Variants in DNER observed in about 807,000 individuals in gnomAD.
The protein encoded by DNER is delta/notch like EGF repeat containing, also known as delta and Notch-like epidermal growth factor-related receptor.
In DNER, 33 loss-of-function variants were observed where a neutral mutation model predicts 78.2. The observed-to-expected ratio is 0.42, with a 90% CI of 0.32 to 0.56. The LOEUF is 0.56. Ranked by LOEUF, DNER falls within the 20% of genes least tolerant of loss-of-function variation. The probability of loss-of-function intolerance (pLI) is 0.11; values close to 1 mark genes in which losing one functional copy is unlikely to be tolerated. For missense variants in DNER, 918 were observed against 975.3 expected, an observed-to-expected ratio of 0.94 and a Z score of 0.78; for synonymous variants, 417 against 384.8, an observed-to-expected ratio of 1.08 and a Z score of -0.98.
At chr2:229,460,419 G>A (rs1198069454) in intron 7 of DNER, among the ~76,000 whole-genome samples, 2 of 151,594 alleles carry the variant, frequency 1.3e-5, no homozygotes, top group African/African-American at 4.8e-5. Context: ...AGCATACAAA[G>A]TCAATATACA....
intron 9 of DNER, among the ~76,000 whole-genome samples, chr2:229,411,515 C>T (rs1163528565): frequency 6.6e-6 from 1 of 151,972 alleles, no homozygotes; most frequent in East Asian, 1.9e-4. Context: ...CAAGATAGCG[C>T]CATTGCACTC....
rs1338365059 is a variant in DNER, at chr2:229,383,924, C to CT, written c.1855+4340_1855+4341insA. On this transcript the variant is annotated intron_variant, in intron 11 of 12. Transcript: ENST00000341772. Reference sequence around the variant, plus strand: ...ACCAAGCAGACCTAATAGACATCTACAGAACTCTCCACTCCAAATCAGCAG... The same window carrying CT: ...ACCAAGCAGACCTAATAGACATCTACTAGAACTCTCCACTCCAAATCAGCAG... Among the ~76,000 whole-genome samples, 10 of 152,284 alleles carry CT rather than the reference C, an allele frequency of 6.6e-5. No homozygotes were observed. In the East Asian group the frequency reaches 1.9e-3, roughly 29 times the overall value.
chr2:229,638,450 A>C (rs886198176), intron 1 of DNER, among the ~76,000 whole-genome samples: 4 of 152,234 alleles, frequency 2.6e-5, no homozygotes, highest in Non-Finnish European at 4.4e-5. Context: ...AAAGCAATTT[A>C]TGGGGAAAGA....
At chr2:229,442,009 A>AC (rs1290997826) in intron 8 of DNER, among the ~76,000 whole-genome samples, 1 of 152,026 alleles carries the variant, frequency 6.6e-6, no homozygotes, top group Non-Finnish European at 1.5e-5. Context: ...AGTAAAGCAA[A>AC]CTCTCCCTTG....
chr2:229,493,606 T>C (rs983320568), intron 6 of DNER, among the ~76,000 whole-genome samples: 7 of 152,148 alleles, frequency 4.6e-5, no homozygotes, highest in African/African-American at 1.7e-4. Context: ...ATAAGAGAAC[T>C]GAGCCCCTAC....
chr2:229,564,174 A>C (rs1250050862), intron 4 of DNER, among the ~76,000 whole-genome samples: 14 of 107,164 alleles, frequency 1.3e-4, no homozygotes, highest in African/African-American at 2.6e-4. Flanking sequence ...CACCCCATCA[A>C]CATCATCATC....
chr2:229,679,936 A>G (rs949921230), intron 1 of DNER, among the ~76,000 whole-genome samples: 1 of 152,192 alleles, frequency 6.6e-6, no homozygotes, highest in Non-Finnish European at 1.5e-5. Flanking sequence ...CAAGAGGGAC[A>G]TGGTGTGTAA....
intron 1 of DNER, among the ~76,000 whole-genome samples, chr2:229,663,153 T>C (rs943802386): frequency 1.8e-4 from 28 of 152,136 alleles, no homozygotes; most frequent in African/African-American, 6.5e-4. Context: ...CTAGGAAAAA[T>C]GCAAAAAGAA....
chr2:229,418,374 G>T, intron 8 of DNER, 144 bp from the exon 9 acceptor site: 2 of 1,182,428 alleles, frequency 1.7e-6, no homozygotes, highest in Non-Finnish European at 2.3e-6. Context: ...ATCTCTTGGG[G>T]TAAAGTTGAA....
chr2:229,381,067 G>C (rs1692724519), intron 11 of DNER, among the ~76,000 whole-genome samples: 1 of 152,196 alleles, frequency 6.6e-6, no homozygotes, highest in Admixed American at 6.5e-5. Context: ...TTCCAACTGA[G>C]GTAGCTGGCT....
chr2:229,498,732 A>G (rs797006701), intron 6 of DNER, among the ~76,000 whole-genome samples: 7 of 152,316 alleles, frequency 4.6e-5, no homozygotes, highest in South Asian at 4.1e-4. Context: ...TAAATTTAAA[A>G]CTATAAAATT....
chr2:229,549,860 A>G (rs1019928467), intron 4 of DNER, among the ~76,000 whole-genome samples: 2 of 149,652 alleles, frequency 1.3e-5, no homozygotes, highest in African/African-American at 2.4e-5. Context: ...GCAGTGAGCC[A>G]AGATCGTGCC....
chr2:229,680,489 G>A (rs1027858773), intron 1 of DNER, among the ~76,000 whole-genome samples: 2 of 152,194 alleles, frequency 1.3e-5, no homozygotes, highest in African/African-American at 4.8e-5. Flanking sequence ...TGCCTGTGGA[G>A]TCACTAATTT....
intron 1 of DNER, among the ~76,000 whole-genome samples, chr2:229,650,593 C>T (rs1698798681): frequency 6.6e-6 from 1 of 152,168 alleles, no homozygotes; most frequent in Non-Finnish European, 1.5e-5. Flanking sequence ...CAGCCCCTCA[C>T]ACCTGCTGCC....
At chr2:229,601,170 T>C (rs1375032221) in intron 1 of DNER, among the ~76,000 whole-genome samples, 1 of 152,208 alleles carries the variant, frequency 6.6e-6, no homozygotes, top group Admixed American at 6.5e-5. Flanking sequence ...AAACAGGAAT[T>C]GCAGTGGTTG....
At chr2:229,596,118 G>A (rs1697710043) in intron 1 of DNER, among the ~76,000 whole-genome samples, 1 of 151,850 alleles carries the variant, frequency 6.6e-6, no homozygotes, top group African/African-American at 2.4e-5. Flanking sequence ...ATTTACTTGT[G>A]TATCCACAGC....
At chr2:229,632,034 C>A (rs552253926) in intron 1 of DNER, among the ~76,000 whole-genome samples, 2 of 152,174 alleles carry the variant, frequency 1.3e-5, no homozygotes, top group Non-Finnish European at 2.9e-5. Flanking sequence ...CACTACAGAA[C>A]TTTTAGAGCT....
intron 1 of DNER, among the ~76,000 whole-genome samples, chr2:229,643,413 C>A (rs906326130): frequency 6.6e-6 from 1 of 152,176 alleles, no homozygotes; most frequent in Non-Finnish European, 1.5e-5. Flanking sequence ...AAGCATTACA[C>A]ACTTAGAATT....
intron 7 of DNER, among the ~76,000 whole-genome samples, chr2:229,460,739 T>G (rs1434870565): frequency 6.6e-6 from 1 of 152,146 alleles, no homozygotes; most frequent in Non-Finnish European, 1.5e-5. Flanking sequence ...CTACAATGCA[T>G]GTTACAGGTT....
Sources: allele counts gnomAD v4.1 joint callset (sites outside exome capture counted in the v4.1 genomes callset), GRCh38; gene constraint gnomAD v4.1.1; transcripts MANE v1.5; gene names NCBI Gene and HGNC (gene_info 2026-07-23, HGNC 2026-07-21).